The following PTPRD variants were observed in gnomAD, a reference collection of about 807,000 sequenced individuals.
PTPRD encodes protein tyrosine phosphatase receptor type D, also known as receptor-type tyrosine-protein phosphatase delta.
PTPRD carries 34 observed loss-of-function variants against 214.5 expected under a neutral mutation model. That is an observed-to-expected ratio of 0.16 (90% CI 0.12 to 0.21). The LOEUF is 0.21. Ranked by LOEUF, PTPRD falls within the 10% of genes least tolerant of loss-of-function variation. The pLI, the probability that PTPRD is intolerant of heterozygous loss-of-function variation, is 1.00. For synonymous variants in PTPRD, 1,128 were observed against 845.7 expected, an observed-to-expected ratio of 1.33 and a Z score of -5.79; for missense variants, 2,545 against 2,398.7, an observed-to-expected ratio of 1.06 and a Z score of -1.27.
At chr9:9,949,888 G>A (rs1194455068) in intron 4 of PTPRD, among the ~76,000 whole-genome samples, 1 of 152,092 alleles carries the variant, frequency 6.6e-6, no homozygotes, top group Non-Finnish European at 1.5e-5. Context: ...ATTGAATCAT[G>A]GCTCTTCTGA....
At chr9:9,535,722 C>A (rs957558379) in intron 8 of PTPRD, among the ~76,000 whole-genome samples, 2 of 151,854 alleles carry the variant, frequency 1.3e-5, no homozygotes, top group African/African-American at 4.8e-5. Context: ...CGTTAAAGGG[C>A]CTGGAAGTGT....
intron 3 of PTPRD, among the ~76,000 whole-genome samples, chr9:10,038,353 T>C (rs1436797010): frequency 2.6e-5 from 4 of 152,118 alleles, no homozygotes. Flanking sequence ...GCCCCCAAAT[T>C]GGACATTTTT....
At chr9:9,778,849 A>G (rs1429599377) in intron 5 of PTPRD, among the ~76,000 whole-genome samples, 2 of 152,078 alleles carry the variant, frequency 1.3e-5, no homozygotes, top group Admixed American at 1.3e-4. Flanking sequence ...TCACAAAATT[A>G]GAAAAAAATT....
intron 3 of PTPRD, among the ~76,000 whole-genome samples, chr9:10,117,067 G>A (rs550085447): frequency 5.6e-4 from 85 of 151,820 alleles, no homozygotes; most frequent in African/African-American, 1.3e-3. Context: ...CTACCCGCTC[G>A]TAGAATATAA....
At chr9:9,347,629 G>C (rs1268216617) in intron 9 of PTPRD, among the ~76,000 whole-genome samples, 5 of 152,060 alleles carry the variant, frequency 3.3e-5, no homozygotes, top group African/African-American at 1.2e-4. Context: ...ACACTATATT[G>C]CTAGAAGAAT....
At chr9:8,973,654 G>C (rs1165058806) in intron 11 of PTPRD, among the ~76,000 whole-genome samples, 1 of 152,072 alleles carries the variant, frequency 6.6e-6, no homozygotes, top group Non-Finnish European at 1.5e-5. Flanking sequence ...GCTTTCTACA[G>C]TGGCTGAACT....
intron 9 of PTPRD, among the ~76,000 whole-genome samples, chr9:9,255,591 T>G (rs2099977376): frequency 6.6e-6 from 1 of 152,056 alleles, no homozygotes; most frequent in South Asian, 2.1e-4. Context: ...TGTAATAGTT[T>G]GTTCACACTC....
chr9:8,436,144 A>C (rs1296964389), intron 35 of PTPRD, among the ~76,000 whole-genome samples: 1 of 152,216 alleles, frequency 6.6e-6, no homozygotes, highest in Non-Finnish European at 1.5e-5. Context: ...GTGAAATCCA[A>C]AGAAGTCAAA....
At chr9:8,665,283 G>A (rs1379844464) in intron 12 of PTPRD, among the ~76,000 whole-genome samples, 3 of 152,228 alleles carry the variant, frequency 2.0e-5, no homozygotes, top group African/African-American at 7.2e-5. Context: ...TACTCTCCCA[G>A]CTGTTCTGAC....
At chr9:9,535,738 A>T (rs1358955032) in intron 8 of PTPRD, among the ~76,000 whole-genome samples, 1 of 152,080 alleles carries the variant, frequency 6.6e-6, no homozygotes, top group Non-Finnish European at 1.5e-5. Flanking sequence ...AGTGTTACAG[A>T]AAAACATTTT....
At chr9:9,947,598 T>TATATATATTTTATATATATATATTTTAA (rs1586825693) in intron 4 of PTPRD, among the ~76,000 whole-genome samples, 3 of 63,462 alleles carry the variant, frequency 4.7e-5, no homozygotes, top group Non-Finnish European at 8.1e-5. Flanking sequence ...ATATATATAA[T>TATATATATTTTATATATATATATTTTAA]ATATATATTT....
At position 8,486,020 on chromosome 9, in the gene PTPRD, T is replaced by C. The variant is rs1355121371; in HGVS notation, c.2797A>G (p.Thr933Ala). 1.2e-5 allele frequency: 20 copies of C among 1,613,972 alleles called. No individual in the cohort carries two copies. Among genetic ancestry groups the C allele is most frequent in the Non-Finnish European group, 1.5e-5 (18 of 1,180,016 alleles). Residue 933 changes from threonine (T) to alanine (A), a missense_variant, in exon 28 of 46, where the codon ACC becomes GCC. Coordinates refer to ENST00000381196, the MANE Select transcript of PTPRD (RefSeq NM_002839.4). ...GGTTGCCAAGATAACTGGACGGAGG[T>C]TGAAGTGGTGCCTTCTGAGTGAAGG... ...QNLHSEGTTS[T>A]SVQLSWQPPV...
chr9:8,741,566 CTTTTTTTTTTTTTTTTTTTTTTT>C lies in PTPRD; in HGVS notation c.-103-7643_-103-7621del, dbSNP rs66547770. Among the ~76,000 whole-genome samples, 26 of 70,636 alleles carry C rather than the reference CTTTTTTTTTTTTTTTTTTTTTTT, an allele frequency of 3.7e-4. No individual in the cohort carries two copies. The Admixed American group carries it at 4.9e-3, about 13-fold the overall frequency. 46.3% of individuals were successfully genotyped at this position (70,636 alleles called of 152,430 possible). ...TCTATTATTTTAATCTCAGGCATTTCTTTTTTTTTTTTTTTTTTTTTTTTTTTTTTTTTTTGAGATGAAGTCTC... is the reference window on the plus strand; with the variant it reads ...TCTATTATTTTAATCTCAGGCATTTCTTTTTTTTTTTTGAGATGAAGTCTC... On this transcript the variant is annotated intron_variant, in intron 11 of 45. Coordinates refer to ENST00000381196, the MANE Select transcript of PTPRD (RefSeq NM_002839.4).
intron 5 of PTPRD, among the ~76,000 whole-genome samples, chr9:9,804,370 T>A (rs758221004): frequency 7.2e-5 from 11 of 152,106 alleles, no homozygotes; most frequent in South Asian, 6.2e-4. Flanking sequence ...CATTAATGTA[T>A]CAGCACACAG....
intron 6 of PTPRD, among the ~76,000 whole-genome samples, chr9:9,750,325 C>CA (rs201149980): frequency 3.3e-4 from 50 of 150,366 alleles, no homozygotes; most frequent in African/African-American, 7.1e-4. Context: ...TCAAGCCATC[C>CA]AAAAAAAAAG....
At chr9:8,971,625 A>G (rs973811921) in intron 11 of PTPRD, among the ~76,000 whole-genome samples, 2 of 151,750 alleles carry the variant, frequency 1.3e-5, no homozygotes, top group Non-Finnish European at 3.0e-5. Flanking sequence ...AAACTATTGA[A>G]GTTTCCTCTT....
At chr9:9,273,130 A>G (rs1037173775) in intron 9 of PTPRD, among the ~76,000 whole-genome samples, 1 of 151,300 alleles carries the variant, frequency 6.6e-6, no homozygotes, top group African/African-American at 2.4e-5. Context: ...CATGCATTCC[A>G]TTGTTAAGTG....
intron 10 of PTPRD, among the ~76,000 whole-genome samples, chr9:9,084,980 T>C (rs1412109841): frequency 6.6e-6 from 1 of 152,212 alleles, no homozygotes; most frequent in African/African-American, 2.4e-5. Flanking sequence ...AGATTATTTT[T>C]CCCTGAAAAT....
intron 3 of PTPRD, among the ~76,000 whole-genome samples, chr9:10,182,618 T>C (rs568746308): frequency 6.6e-6 from 1 of 152,174 alleles, no homozygotes; most frequent in Admixed American, 6.5e-5. Context: ...GTAAGTATTT[T>C]GAAGATATAT....
Sources: gnomAD v4.1 joint callset for allele counts (sites outside exome capture counted in the v4.1 genomes callset) on GRCh38, gnomAD v4.1.1 for gene constraint, MANE v1.5 for transcripts, NCBI Gene and HGNC (gene_info 2026-07-23, HGNC 2026-07-21) for gene names.